Variants in SCRG1 observed in about 807,000 individuals in gnomAD.
The protein encoded by SCRG1 is stimulator of chondrogenesis 1.
In SCRG1, 3 loss-of-function variants were observed where a neutral mutation model predicts 7.7. The observed-to-expected ratio is 0.39, with a 90% confidence interval of 0.18 to 1.01. SCRG1 has a LOEUF of 1.01. SCRG1 is among the 50% of genes least tolerant of loss of function. SCRG1 has a pLI of 0.36. For synonymous variants in SCRG1, 46 were observed against 41.2 expected (o/e 1.12, Z -0.44); for missense variants, 110 against 117.2 (o/e 0.94, Z 0.28).
the SCRG1 span, among the ~76,000 whole-genome samples, chr4:173,499,550 A>G: frequency 1.3e-5 from 2 of 152,250 alleles, no homozygotes; most frequent in African/African-American, 4.8e-5. The surrounding 1 kb of genome is among the most constrained non-coding windows in gnomAD (Gnocchi z 4.1). Context: ...CACCTAGTTC[A>G]GTATATTCTT....
chr4:173,426,327 A>T, the SCRG1 span, among the ~76,000 whole-genome samples: 2 of 152,050 alleles, frequency 1.3e-5, no homozygotes, highest in African/African-American at 4.8e-5. Flanking sequence ...GAAAAAAAAC[A>T]CTGGTGTCTG....
the SCRG1 span, among the ~76,000 whole-genome samples, chr4:173,491,882 C>A: frequency 1.3e-5 from 2 of 152,172 alleles, no homozygotes; most frequent in Admixed American, 6.5e-5. Context: ...GTAATCCCAG[C>A]ACTTTGAAAG....
At chr4:173,416,070 T>G in the SCRG1 span, among the ~76,000 whole-genome samples, 1 of 152,156 alleles carries the variant, frequency 6.6e-6, no homozygotes, top group African/African-American at 2.4e-5. Context: ...TGCAGTCTCC[T>G]CTCCCGCAGT....
At chr4:173,465,341 A>G in the SCRG1 span, among the ~76,000 whole-genome samples, 2 of 152,208 alleles carry the variant, frequency 1.3e-5, no homozygotes, top group African/African-American at 4.8e-5. Context: ...AGATGTTTTC[A>G]GCAGATTTAT....
the SCRG1 span, among the ~76,000 whole-genome samples, chr4:173,507,565 G>A: frequency 7.2e-5 from 11 of 152,064 alleles, no homozygotes; most frequent in African/African-American, 2.4e-4. The surrounding 1 kb of genome is among the most constrained non-coding windows in gnomAD (Gnocchi z 4.4). Flanking sequence ...AGCCAGATCT[G>A]TCCCCAAGCT....
chr4:173,482,465 T>A, the SCRG1 span, among the ~76,000 whole-genome samples: 1 of 152,142 alleles, frequency 6.6e-6, no homozygotes, highest in African/African-American at 2.4e-5. Flanking sequence ...TACTGTCTTT[T>A]TTCTTGTCCA....
the SCRG1 span, among the ~76,000 whole-genome samples, chr4:173,459,166 G>A: frequency 3.9e-5 from 6 of 151,992 alleles, no homozygotes; most frequent in Admixed American, 3.3e-4. Context: ...TACAATAATA[G>A]TTAGGAACTT....
chr4:173,439,433 T>G, the SCRG1 span, among the ~76,000 whole-genome samples: 3 of 151,818 alleles, frequency 2.0e-5, no homozygotes, highest in Non-Finnish European at 4.4e-5. Flanking sequence ...GGAGATCACT[T>G]GGGCCTGAGA....
At chr4:173,416,545 G>C in the SCRG1 span, among the ~76,000 whole-genome samples, 1 of 152,230 alleles carries the variant, frequency 6.6e-6, no homozygotes. Flanking sequence ...TTAAGCCCAG[G>C]AGTTGCAGGC....
chr4:173,392,025 C>T (rs910786530), intron 1 of SCRG1, among the ~76,000 whole-genome samples: 9 of 152,262 alleles, frequency 5.9e-5, no homozygotes, highest in Admixed American at 6.5e-5. Context: ...CAGTAGAGAA[C>T]AACTGTTTTT....
At chr4:173,438,122 T>A in the SCRG1 span, among the ~76,000 whole-genome samples, 10,803 of 152,102 alleles carry the variant, frequency 0.071, 663 homozygotes, top group East Asian at 0.28. Flanking sequence ...TTAATTAATT[T>A]ATTTATTTTG....
chr4:173,431,585 C>A, the SCRG1 span, among the ~76,000 whole-genome samples: 2 of 152,140 alleles, frequency 1.3e-5, no homozygotes, highest in Admixed American at 1.3e-4. Flanking sequence ...AAGCCAGATC[C>A]AATAAAAGAG....
At chr4:173,461,066 A>G in the SCRG1 span, among the ~76,000 whole-genome samples, 1 of 152,222 alleles carries the variant, frequency 6.6e-6, no homozygotes, top group Middle Eastern at 3.2e-3. Context: ...ATAAAATACC[A>G]GGTAGACTTC....
chr4:173,518,086 C>T, the SCRG1 span, among the ~76,000 whole-genome samples: 1 of 152,252 alleles, frequency 6.6e-6, no homozygotes, highest in Non-Finnish European at 1.5e-5. Flanking sequence ...ATTGCCTATC[C>T]TTAAGTTTAA....
chr4:173,471,621 C>T, the SCRG1 span, among the ~76,000 whole-genome samples: 50,005 of 151,930 alleles, frequency 0.33, 8,634 homozygotes, highest in South Asian at 0.47. Flanking sequence ...TTTGGATTGA[C>T]TTGCCTGGTA....
chr4:173,509,746 A>AT, the SCRG1 span, among the ~76,000 whole-genome samples: 2 of 151,914 alleles, frequency 1.3e-5, no homozygotes, highest in Non-Finnish European at 2.9e-5. The surrounding 1 kb of genome is among the most constrained non-coding windows in gnomAD (Gnocchi z 5.7). Context: ...CGGGGGAGAT[A>AT]TCCAGGAGCT....
chr4:173,415,198 T>C, the SCRG1 span, among the ~76,000 whole-genome samples: 1 of 152,242 alleles, frequency 6.6e-6, no homozygotes, highest in African/African-American at 2.4e-5. Flanking sequence ...ATGCATTCAC[T>C]GCAGCTGAGA....
chr4:173,398,546 C>A (rs1228156680), intron 1 of SCRG1: 1 of 152,158 alleles, frequency 6.6e-6, no homozygotes, highest in African/African-American at 2.4e-5. Flanking sequence ...AGAATGGACA[C>A]CAAGGATGAA....
chr4:173,465,391 CA>C, the SCRG1 span, among the ~76,000 whole-genome samples: 1 of 152,040 alleles, frequency 6.6e-6, no homozygotes, highest in African/African-American at 2.4e-5. Context: ...TGTCCATTAA[CA>C]GGGCAACTGA....
Sources: gnomAD v4.1 joint callset for allele counts (sites outside exome capture counted in the v4.1 genomes callset) on GRCh38, gnomAD v4.1.1 for gene constraint, Gnocchi (gnomAD v3.1) non-coding constraint, MANE v1.5 for transcripts, NCBI Gene and HGNC (gene_info 2026-07-23, HGNC 2026-07-21) for gene names.